The following FOXN3 variants were observed in gnomAD, a reference collection of about 807,000 sequenced individuals.
The protein encoded by FOXN3 is forkhead box N3.
Under a neutral mutation model 38.4 loss-of-function variants are expected in FOXN3, and 7 were observed. The ratio of observed to expected loss-of-function variants is 0.18; its 90% CI spans 0.10 to 0.34. The LOEUF is 0.34. Ranked by LOEUF, FOXN3 falls within the 10% of genes least tolerant of loss-of-function variation. FOXN3 has a pLI of 1.00. For synonymous variants in FOXN3, 230 were observed against 242.2 expected (o/e 0.95, Z 0.47); for missense variants, 456 against 613.4 (o/e 0.74, Z 2.71).
intron 1 of FOXN3, among the ~76,000 whole-genome samples, chr14:89,501,960 A>G (rs753224622): frequency 1.3e-5 from 2 of 152,078 alleles, no homozygotes; most frequent in Non-Finnish European, 2.9e-5. Context: ...GAGGTCAGGA[A>G]TTCGAGACCA....
intron 1 of FOXN3, among the ~76,000 whole-genome samples, chr14:89,543,180 C>T (rs1487809150): frequency 2.0e-5 from 3 of 152,204 alleles, no homozygotes; most frequent in Non-Finnish European, 4.4e-5. Context: ...AACAAGTACA[C>T]CTGGTGAGGA....
chr14:89,595,621 G>A (rs1896042491), intron 1 of FOXN3, among the ~76,000 whole-genome samples: 1 of 152,278 alleles, frequency 6.6e-6, no homozygotes, highest in South Asian at 2.1e-4. Flanking sequence ...TTTATACTCA[G>A]TAATTTAGTC....
At chr14:89,435,256 C>G (rs1892253146) in intron 1 of FOXN3, among the ~76,000 whole-genome samples, 1 of 151,906 alleles carries the variant, frequency 6.6e-6, no homozygotes, top group Non-Finnish European at 1.5e-5. Context: ...CGGTGCACAC[C>G]TGCTACTCAT....
chr14:89,584,379 C>A (rs777350028), intron 1 of FOXN3, among the ~76,000 whole-genome samples: 1 of 151,936 alleles, frequency 6.6e-6, no homozygotes, highest in Non-Finnish European at 1.5e-5. Context: ...CCAGCCTGGG[C>A]GACCCAGGGA....
chr14:89,375,722 C>T (rs1890459889), intron 2 of FOXN3, among the ~76,000 whole-genome samples: 1 of 151,970 alleles, frequency 6.6e-6, no homozygotes, highest in Non-Finnish European at 1.5e-5. Context: ...AATAATAATA[C>T]CCCAGCTATA....
Position 89,562,926 on chromosome 14 carries a change from C to G in FOXN3, c.-15+56102G>C, listed in dbSNP as rs1274755294. ...TTATTTCTATTCATTTAAGAACCTCCAGGTTAAAGAGTGGTCAGTGAGAAT... is the reference window on the plus strand; with the variant it reads ...TTATTTCTATTCATTTAAGAACCTCGAGGTTAAAGAGTGGTCAGTGAGAAT... On this transcript the variant is annotated intron_variant, in intron 1 of 6. Transcript: ENST00000345097. Among the ~76,000 whole-genome samples the G allele has an allele frequency of 2.0e-5, 3 of 152,110 alleles. No individual in the cohort carries two copies. In the East Asian group the frequency reaches 5.8e-4, roughly 29 times the overall value.
At chr14:89,304,621 G>A (rs528089725) in intron 3 of FOXN3, among the ~76,000 whole-genome samples, 5 of 152,220 alleles carry the variant, frequency 3.3e-5, no homozygotes, top group South Asian at 4.1e-4. Flanking sequence ...TTGGTTTGCT[G>A]GGCAAATGGA....
intron 4 of FOXN3, among the ~76,000 whole-genome samples, chr14:89,265,144 ATG>A (rs1201260202): frequency 1.3e-5 from 2 of 152,194 alleles, no homozygotes; most frequent in African/African-American, 2.4e-5. Flanking sequence ...TAGCTCCTGT[ATG>A]GTGTACAGGG....
At chr14:89,359,771 C>T (rs141560593) in intron 2 of FOXN3, among the ~76,000 whole-genome samples, 190 of 152,224 alleles carry the variant, frequency 1.2e-3, no homozygotes, top group African/African-American at 4.3e-3. Flanking sequence ...GCCCTGACCC[C>T]GATACTGCAA....
chr14:89,247,502 T>C (rs944738667), intron 4 of FOXN3, among the ~76,000 whole-genome samples: 2 of 152,232 alleles, frequency 1.3e-5, no homozygotes, highest in Admixed American at 1.3e-4. Context: ...GCCAGAATTA[T>C]GATAAGGGGA....
chr14:89,539,435 C>T (rs887190223), intron 1 of FOXN3, among the ~76,000 whole-genome samples: 1 of 152,126 alleles, frequency 6.6e-6, no homozygotes, highest in African/African-American at 2.4e-5. Context: ...ATAAAACACT[C>T]CCCTGTTTTT....
chr14:89,433,250 A>C (rs1015188777), intron 1 of FOXN3, among the ~76,000 whole-genome samples: 3 of 152,080 alleles, frequency 2.0e-5, no homozygotes, highest in African/African-American at 7.2e-5. Context: ...TTGGGAGGCC[A>C]AGGTGGGCAG....
chr14:89,548,858 C>A lies in FOXN3; in HGVS notation c.-15+70170G>T, dbSNP rs1303899479. On this transcript the variant is annotated intron_variant, in intron 1 of 6. Transcript: ENST00000345097. This position sits in a 1 kb window ranked among gnomAD's most constrained non-coding sequence, Gnocchi z 4.8. Reference sequence around the variant, plus strand: ...AATGTGCCGGGCGCGGTGGCTCACGCCTGTAATCCCAGCACTTTTGGAGGC... The same window carrying A: ...AATGTGCCGGGCGCGGTGGCTCACGACTGTAATCCCAGCACTTTTGGAGGC... Among the ~76,000 whole-genome samples the A allele has an allele frequency of 6.6e-6, 1 of 152,138 alleles. No individual in the cohort carries two copies. The highest frequency in any genetic ancestry group is 1.5e-5 in the Non-Finnish European group (1 of 68,026).
At chr14:89,170,798 C>A (rs1207393526) in intron 5 of FOXN3, among the ~76,000 whole-genome samples, 2 of 151,880 alleles carry the variant, frequency 1.3e-5, no homozygotes, top group Non-Finnish European at 2.9e-5. Context: ...AAGAAAAAAT[C>A]AAAATGGCAA....
chr14:89,260,838 A>G (rs1340811860), intron 4 of FOXN3, among the ~76,000 whole-genome samples: 5 of 152,398 alleles, frequency 3.3e-5, no homozygotes, highest in Admixed American at 1.3e-4. Flanking sequence ...ACGAGCAGCT[A>G]TAACATTTAA....
chr14:89,381,881 G>A (rs11622688), intron 2 of FOXN3, among the ~76,000 whole-genome samples: 31,040 of 150,878 alleles, frequency 0.21, 3,294 homozygotes, highest in South Asian at 0.37. Context: ...AGGGGAAAGG[G>A]AGGGACGGAG....
intron 2 of FOXN3, among the ~76,000 whole-genome samples, chr14:89,392,309 C>T (rs1218138223): frequency 6.6e-6 from 1 of 152,200 alleles, no homozygotes; most frequent in East Asian, 1.9e-4. Flanking sequence ...AGGTTTTATT[C>T]CTGAAGTCTC....
intron 1 of FOXN3, among the ~76,000 whole-genome samples, chr14:89,482,338 C>T (rs558050253): frequency 1.2e-4 from 19 of 152,290 alleles, no homozygotes; most frequent in South Asian, 1.0e-3. Context: ...AGTGTGTGTG[C>T]AGCCGGGCAC....
intron 1 of FOXN3, among the ~76,000 whole-genome samples, chr14:89,520,949 C>A (rs1422386251): frequency 6.6e-6 from 1 of 152,100 alleles, no homozygotes; most frequent in Non-Finnish European, 1.5e-5. Context: ...TCATCATAAA[C>A]CAGAACTGAC....
Sources: allele counts gnomAD v4.1 joint callset (sites outside exome capture counted in the v4.1 genomes callset), GRCh38; gene constraint gnomAD v4.1.1; non-coding constraint Gnocchi (gnomAD v3.1); transcripts MANE v1.5; gene names NCBI Gene and HGNC (gene_info 2026-07-23, HGNC 2026-07-21).